The following FGF1 variants were observed in gnomAD, a reference collection of about 807,000 sequenced individuals.
The protein encoded by FGF1 is fibroblast growth factor 1.
A neutral mutation model predicts 13.4 loss-of-function variants in FGF1; 9 were observed. The observed-to-expected ratio is 0.67, with a 90% CI of 0.40 to 1.17. FGF1 has a LOEUF of 1.17. FGF1 is among the 50% of genes most tolerant of loss of function. FGF1 has a pLI of 0.01. For synonymous variants in FGF1, 93 were observed against 79.0 expected (o/e 1.18, Z -0.94); for missense variants, 156 against 192.7 (o/e 0.81, Z 1.13).
intron 1 of FGF1, among the ~76,000 whole-genome samples, chr5:142,660,202 T>TA (rs1768957459): frequency 6.6e-6 from 1 of 152,242 alleles, no homozygotes. Flanking sequence ...ACAGTCCTGT[T>TA]AGTAAAGCTC....
chr5:142,684,830 G>A (rs576795366), intron 1 of FGF1, among the ~76,000 whole-genome samples: 26 of 152,298 alleles, frequency 1.7e-4, no homozygotes, highest in Non-Finnish European at 2.4e-4. Context: ...GCCCTCAGCC[G>A]GGATGCTCAA....
At chr5:142,602,718 C>CT (rs148048736) in intron 2 of FGF1, among the ~76,000 whole-genome samples, 2,104 of 147,558 alleles carry the variant, frequency 0.014, 44 homozygotes, top group African/African-American at 0.048. Context: ...CTGCACCTTG[C>CT]TTTTTTTTTT....
rs17223325 is a variant in FGF1 at position 142,651,043 on chromosome 5, A to G, written c.-35+34914T>C. Among the ~76,000 whole-genome samples, 500 of 152,224 alleles carry G rather than the reference A, an allele frequency of 3.3e-3. 3 individuals carry two copies. Among genetic ancestry groups the G allele is most frequent in the African/African-American group, 0.011 (441 of 41,526 alleles). Reference sequence around the variant, plus strand: ...GGAGGGTGGTGCAAACGCAGCTTCAATGTCTCCTCCCTATTCGTGCTTTTG... The same window carrying G: ...GGAGGGTGGTGCAAACGCAGCTTCAGTGTCTCCTCCCTATTCGTGCTTTTG... On this transcript the variant is annotated intron_variant, in intron 1 of 3. Coordinates refer to ENST00000337706, the MANE Select transcript of FGF1 (RefSeq NM_000800.5).
intron 2 of FGF1, among the ~76,000 whole-genome samples, chr5:142,605,273 GTT>G (rs768402598): frequency 1.3e-4 from 16 of 123,256 alleles, no homozygotes; most frequent in East Asian, 4.8e-4. Context: ...TGCCTGGCTA[GTT>G]TTTTTTTTTT....
intron 2 of FGF1, among the ~76,000 whole-genome samples, chr5:142,601,310 C>G (rs1259432255): frequency 6.6e-6 from 1 of 152,144 alleles, no homozygotes; most frequent in African/African-American, 2.4e-5. Flanking sequence ...GTCCGCAGAT[C>G]GTTATTTTAT....
chr5:142,693,768 A>G (rs1004114921), intron 2 of FGF1, among the ~76,000 whole-genome samples: 36 of 152,296 alleles, frequency 2.4e-4, no homozygotes, highest in South Asian at 4.1e-4. Flanking sequence ...GCCGTTTCAT[A>G]TAAATGGAAT....
intron 2 of FGF1, among the ~76,000 whole-genome samples, chr5:142,605,273 G>GTTTT (rs768402598): frequency 3.2e-5 from 4 of 123,244 alleles, no homozygotes; most frequent in Non-Finnish European, 6.8e-5. Context: ...TGCCTGGCTA[G>GTTTT]TTTTTTTTTT....
At chr5:142,637,760 C>G (rs1764525058) in intron 1 of FGF1, among the ~76,000 whole-genome samples, 1 of 152,070 alleles carries the variant, frequency 6.6e-6, no homozygotes, top group South Asian at 2.1e-4. Context: ...GACACATTGT[C>G]TCTCCCTTGG....
chr5:142,686,736 C>A (rs551157076), upstream of FGF1, among the ~76,000 whole-genome samples: 45 of 152,212 alleles, frequency 3.0e-4, no homozygotes, highest in Non-Finnish European at 5.0e-4. Flanking sequence ...TGGCATTTTA[C>A]GAAGTCAATC....
chr5:142,644,033 G>T (rs913024409), intron 1 of FGF1: 1 of 152,176 alleles, frequency 6.6e-6, no homozygotes, highest in African/African-American at 2.4e-5. Flanking sequence ...TAATCTCAAG[G>T]CTTGTAGTGA....
At chr5:142,635,135 C>T (rs368864138) in intron 1 of FGF1, among the ~76,000 whole-genome samples, 2 of 152,194 alleles carry the variant, frequency 1.3e-5, no homozygotes, top group African/African-American at 4.8e-5. Context: ...GGAGACCTGG[C>T]TCCCCCTGTG....
In FGF1 at chr5:142,691,621, T is replaced by A. The variant is rs1032087912; in HGVS notation, c.-35+6001A>T. On this transcript the variant is annotated intron_variant, in intron 2 of 4. Transcript: ENST00000407758. ...GTGGTTCTCAAGCTCGAGTGTGCAC[T>A]GGAATCACCTGGAGGATTTGTTAAA... 7.9e-5 allele frequency among the ~76,000 whole-genome samples: 12 copies of A among 152,246 alleles called. 1 individual carries two copies. Among genetic ancestry groups the A allele is most frequent in the African/African-American group, 2.9e-4 (12 of 41,542 alleles).
upstream of FGF1, among the ~76,000 whole-genome samples, chr5:142,689,249 T>C (rs962303193): frequency 4.6e-5 from 7 of 152,196 alleles, no homozygotes; most frequent in Non-Finnish European, 8.8e-5. Context: ...ACAACAAATC[T>C]TAATCAGCTG....
chr5:142,686,201 T>TA (rs537535732), upstream of FGF1: 1 of 150,002 alleles, frequency 6.7e-6, no homozygotes, highest in Admixed American at 6.6e-5. Flanking sequence ...GAAATCGAGG[T>TA]GGGGGGGGTG....
chr5:142,677,889 G>A (rs905498717), intron 1 of FGF1, among the ~76,000 whole-genome samples: 7 of 152,112 alleles, frequency 4.6e-5, no homozygotes, highest in African/African-American at 1.7e-4. Flanking sequence ...AGAAAATTAC[G>A]AATTGAGGTA....
At chr5:142,645,160 A>G (rs561555680) in intron 1 of FGF1, among the ~76,000 whole-genome samples, 137 of 152,306 alleles carry the variant, frequency 9.0e-4, no homozygotes, top group African/African-American at 3.2e-3. Context: ...GGCATTACTC[A>G]TGGTGAAGGG....
At chr5:142,659,418 A>G (rs190496129) in intron 1 of FGF1, among the ~76,000 whole-genome samples, 3 of 152,134 alleles carry the variant, frequency 2.0e-5, no homozygotes, top group Non-Finnish European at 1.5e-5. Flanking sequence ...TAGTAGAGAC[A>G]GGGTTTCACC....
intron 2 of FGF1, among the ~76,000 whole-genome samples, chr5:142,691,322 T>G (rs1013377071): frequency 3.3e-5 from 5 of 151,882 alleles, no homozygotes; most frequent in Non-Finnish European, 7.4e-5. Flanking sequence ...CTCAGGAGGC[T>G]GAGGCAGGAG....
chr5:142,646,163 C>A (rs902436069), intron 1 of FGF1, among the ~76,000 whole-genome samples: 5 of 151,044 alleles, frequency 3.3e-5, no homozygotes, highest in African/African-American at 1.2e-4. Flanking sequence ...CCTGCCTCGG[C>A]CTCCCAAAGT....
Sources: gnomAD v4.1 joint callset for allele counts (sites outside exome capture counted in the v4.1 genomes callset) on GRCh38, gnomAD v4.1.1 for gene constraint, MANE v1.5 for transcripts, NCBI Gene and HGNC (gene_info 2026-07-23, HGNC 2026-07-21) for gene names.